Variants in SETD5 observed in about 807,000 individuals in gnomAD.
The protein encoded by SETD5 is SET domain containing 5, also known as histone-lysine N-methyltransferase SETD5.
Under a neutral mutation model 153.3 loss-of-function variants are expected in SETD5, and 44 were observed. The ratio of observed to expected loss-of-function variants is 0.29; its 90% CI spans 0.23 to 0.37. The LOEUF (loss-of-function observed/expected upper bound fraction) is 0.37, where lower values mean the gene tolerates loss of function less well. Ranked by LOEUF, SETD5 falls within the 10% of genes least tolerant of loss-of-function variation. The pLI is 1.00. For synonymous variants in SETD5, 716 were observed against 645.2 expected (o/e 1.11, Z -1.66); for missense variants, 1,544 against 1,768.0 (o/e 0.87, Z 2.27).
chr3:9,446,158 G>A (rs1355094103), intron 13 of SETD5, among the ~76,000 whole-genome samples: 1 of 150,972 alleles, frequency 6.6e-6, no homozygotes, highest in Non-Finnish European at 1.5e-5. Context: ...GCGGTGGCGG[G>A]TGCCTGTAGT....
chr3:9,431,253 C>T, intron 3 of SETD5: 1 of 985,358 alleles, frequency 1.0e-6, no homozygotes, highest in Non-Finnish European at 1.2e-6. Flanking sequence ...GAATTTCAGG[C>T]ATTTTCCAAG....
Position 9,445,464 on chromosome 3 carries a change from T to C in SETD5, c.1440+164T>C, listed in dbSNP as rs2290164. 45,261 of 953,188 alleles carry C rather than the reference T, an allele frequency of 0.047. 1,756 individuals carry two copies. The highest frequency in any genetic ancestry group is 0.14 in the Admixed American group (5,421 of 38,452). The allele number at this position is 953,188 out of a possible 1,614,324, so 59.0% of individuals were successfully genotyped here. ...ATACATTTCTTTCTGTTTTACAAAG[T>C]CAAAAACATCCTTTGCTGGTTTTGC... On this transcript the variant is annotated intron_variant, in intron 12 of 22. Coordinates refer to ENST00000402198, the MANE Select transcript of SETD5 (RefSeq NM_001080517.3).
chr3:9,475,005 T>C (rs1203620474), intron 21 of SETD5, 63 bp from the exon 22 acceptor site: 12 of 1,414,652 alleles, frequency 8.5e-6, no homozygotes, highest in South Asian at 1.3e-5. Context: ...AAATGAAAAA[T>C]GGCTCTTTCT....
rs376821559 is a variant in SETD5 at position 9,445,965 on chromosome 3, G to GTTTTTTTTTTTTTTTTTTT, written c.1524+230_1524+248dup. On this transcript the variant is annotated intron_variant, in intron 13 of 22. Coordinates refer to ENST00000402198, the MANE Select transcript of SETD5 (RefSeq NM_001080517.3). The stretch of plus-strand genomic sequence containing the variant: ...TATCTAGTGATGGTTTGAAGAGGTT[G>GTTTTTTTTTTTTTTTTTTT]TTTTTTTTTTTTTTTTTTTTTTTAC... Among the ~76,000 whole-genome samples the GTTTTTTTTTTTTTTTTTTT allele has an allele frequency of 3.5e-4, 30 of 86,452 alleles. 4 individuals carry two copies. The highest frequency in any genetic ancestry group is 1.3e-3 in the African/African-American group (27 of 21,372). The allele number at this position is 86,452 out of a possible 152,430, so 56.7% of individuals were successfully genotyped here. A position where few individuals can be genotyped will look rare whatever the true frequency, so the allele number is the denominator to read the frequency against.
At chr3:9,425,288 T>A (rs2039014220) in intron 2 of SETD5, among the ~76,000 whole-genome samples, 1 of 151,974 alleles carries the variant, frequency 6.6e-6, no homozygotes, top group Non-Finnish European at 1.5e-5. Flanking sequence ...GGTCTTAAAC[T>A]CCTGACCTCA....
chr3:9,400,456 C>T (rs753773828), intron 1 of SETD5, among the ~76,000 whole-genome samples: 1 of 152,148 alleles, frequency 6.6e-6, no homozygotes, highest in Non-Finnish European at 1.5e-5. Context: ...AGAATCAATT[C>T]TTATTATTTT....
chr3:9,442,069 T>A, intron 9 of SETD5, 59 bp from the exon 10 acceptor site: 1 of 1,135,490 alleles, frequency 8.8e-7, no homozygotes, highest in Non-Finnish European at 1.3e-6. Context: ...ATATTTGGAG[T>A]CATGGGGTGG....
intron 16 of SETD5, among the ~76,000 whole-genome samples, chr3:9,450,656 T>C (rs1152314): frequency 0.12 from 18,345 of 152,198 alleles, 1,488 homozygotes; most frequent in Non-Finnish European, 0.18. Flanking sequence ...TTCAACAAAA[T>C]TGTAATAAAA....
chr3:9,407,817 A>G lies in SETD5; in HGVS notation c.-177+9840A>G, dbSNP rs368249956. 3.9e-5 allele frequency among the ~76,000 whole-genome samples: 6 copies of G among 152,252 alleles called. 1 individual carries two copies. The East Asian group carries it at 5.8e-4, about 15-fold the overall frequency. ...GGAGTTCGAGAGCAGCCTGACCAAC[A>G]TGGAGAAACCCCATCTCTACTGAAA... is the stretch of plus-strand genomic sequence containing the variant. On this transcript the variant is annotated intron_variant, in intron 1 of 22. Transcript: ENST00000402198.
intron 7 of SETD5, among the ~76,000 whole-genome samples, chr3:9,437,264 G>A (rs2040682274): frequency 6.6e-6 from 1 of 152,068 alleles, no homozygotes; most frequent in African/African-American, 2.4e-5. Context: ...CACTGTGTGG[G>A]CTTTAATTGC....
chr3:9,404,143 T>TA (rs1171344140), intron 1 of SETD5, among the ~76,000 whole-genome samples: 7 of 152,338 alleles, frequency 4.6e-5, no homozygotes, highest in African/African-American at 1.4e-4. Context: ...GTTACTAAAC[T>TA]AGCCTTAAAG....
rs1327136085 is a variant in SETD5 at position 9,397,873 on chromosome 3, A to C, written c.-281A>C. On this transcript the variant is annotated 5_prime_UTR_variant, in exon 1 of 23. Coordinates refer to ENST00000402198, the MANE Select transcript of SETD5 (RefSeq NM_001080517.3). Reference sequence around the variant, plus strand: ...TCACGGGTACGGGCCATTCCCGGCCAGGAAACGCCGTGGCGCCGCGTTGGG... The same window carrying C: ...TCACGGGTACGGGCCATTCCCGGCCCGGAAACGCCGTGGCGCCGCGTTGGG... The C allele has an allele frequency of 8.3e-6, 1 of 120,714 alleles. No individual in the cohort carries two copies. The highest frequency in any genetic ancestry group is 1.6e-5 in the Non-Finnish European group (1 of 61,352). The allele number at this position is 120,714 out of a possible 1,614,324, so 7.5% of individuals were successfully genotyped here. A position where few individuals can be genotyped will look rare whatever the true frequency, so the allele number is the denominator to read the frequency against.
At chr3:9,424,901 C>T (rs1035473336) in intron 2 of SETD5, among the ~76,000 whole-genome samples, 1 of 151,966 alleles carries the variant, frequency 6.6e-6, no homozygotes, top group Non-Finnish European at 1.5e-5. Context: ...ATTAAGAAGC[C>T]TCATCATTAT....
chr3:9,459,616 A>G (rs1224216561), intron 17 of SETD5, among the ~76,000 whole-genome samples: 4 of 150,934 alleles, frequency 2.7e-5, no homozygotes, highest in Non-Finnish European at 5.9e-5. Context: ...TAAAAATACA[A>G]CAACAACAAC....
At chr3:9,438,620 T>C (rs1157888571) in intron 7 of SETD5, among the ~76,000 whole-genome samples, 1 of 152,254 alleles carries the variant, frequency 6.6e-6, no homozygotes, top group South Asian at 2.1e-4. Context: ...CCTCCAGTGA[T>C]CCAGGTGGGA....
chr3:9,406,409 T>C (rs2035674420), intron 1 of SETD5, among the ~76,000 whole-genome samples: 1 of 151,992 alleles, frequency 6.6e-6, no homozygotes, highest in South Asian at 2.1e-4. Context: ...TATGTGTTTA[T>C]GCCCACAGCC....
intron 1 of SETD5, among the ~76,000 whole-genome samples, chr3:9,401,706 G>C (rs921646494): frequency 2.6e-5 from 4 of 152,270 alleles, no homozygotes; most frequent in African/African-American, 9.6e-5. Context: ...TTATCAGAGG[G>C]GAACTGGATC....
In SETD5 at chr3:9,443,753, T is replaced by C. The variant is rs190826338; in HGVS notation, c.1187+336T>C. ...CCTGTTGTTATGCACAGAGTACTTA[T>C]GTCAGGGACCATATAGAATGAGAAT... On this transcript the variant is annotated intron_variant, in intron 11 of 22. Coordinates refer to ENST00000402198, the MANE Select transcript of SETD5 (RefSeq NM_001080517.3). 3.9e-5 allele frequency among the ~76,000 whole-genome samples: 6 copies of C among 152,332 alleles called. No individual in the cohort carries two copies. In the East Asian group the frequency reaches 5.8e-4, roughly 15 times the overall value.
chr3:9,398,036 G>T (rs1007105613), intron 1 of SETD5, 59 bp downstream of exon 1: 2 of 151,972 alleles, frequency 1.3e-5, no homozygotes, highest in African/African-American at 4.8e-5. Context: ...GGAGGGAAGG[G>T]TCACCTCCTC....
Sources: gnomAD v4.1 joint callset for allele counts (sites outside exome capture counted in the v4.1 genomes callset) on GRCh38, gnomAD v4.1.1 for gene constraint, MANE v1.5 for transcripts, NCBI Gene and HGNC (gene_info 2026-07-23, HGNC 2026-07-21) for gene names.